The following NUBPL variants were observed in gnomAD, a reference collection of about 807,000 sequenced individuals.
The protein encoded by NUBPL is NUBP iron-sulfur cluster assembly factor, mitochondrial.
Under a neutral mutation model 45.7 loss-of-function variants are expected in NUBPL, and 31 were observed. The observed-to-expected ratio is 0.68, with a 90% CI of 0.51 to 0.92. The LOEUF (loss-of-function observed/expected upper bound fraction) is 0.92, where lower values mean the gene tolerates loss of function less well. Among genes scored for constraint, NUBPL ranks in the 40% least tolerant of loss-of-function variants. The pLI is 0.00. For synonymous variants in NUBPL, 144 were observed against 140.9 expected, an observed-to-expected ratio of 1.02 and a Z score of -0.15; for missense variants, 401 against 398.7, an observed-to-expected ratio of 1.01 and a Z score of -0.05.
At chr14:31,831,468 T>TGTACCATACCATACCATACCATACC (rs1555342390) in intron 8 of NUBPL, among the ~76,000 whole-genome samples, 9 of 143,060 alleles carry the variant, frequency 6.3e-5, no homozygotes, top group Admixed American at 3.6e-4. Context: ...TATACTGTAC[T>TGTACCATACCATACCATACCATACC]ATACCATACC....
intron 7 of NUBPL, among the ~76,000 whole-genome samples, chr14:31,819,864 G>A (rs1040896972): frequency 6.6e-6 from 1 of 152,084 alleles, no homozygotes; most frequent in Non-Finnish European, 1.5e-5. Context: ...TTCTTGGCCA[G>A]GCGTGGTGGC....
At chr14:31,774,016 C>T (rs948923328) in intron 6 of NUBPL, among the ~76,000 whole-genome samples, 1 of 152,186 alleles carries the variant, frequency 6.6e-6, no homozygotes, top group East Asian at 1.9e-4. Flanking sequence ...CAATCTAGAT[C>T]TCTTTTACTT....
intron 6 of NUBPL, among the ~76,000 whole-genome samples, chr14:31,717,067 A>G (rs1172083536): frequency 1.3e-5 from 2 of 152,154 alleles, no homozygotes; most frequent in Non-Finnish European, 2.9e-5. Flanking sequence ...TACTTTCCTG[A>G]TTTATACCCT....
At chr14:31,777,023 A>G (rs1455946953) in intron 6 of NUBPL, among the ~76,000 whole-genome samples, 1 of 152,198 alleles carries the variant, frequency 6.6e-6, no homozygotes, top group Non-Finnish European at 1.5e-5. Flanking sequence ...TCTTTGTGCA[A>G]ATGAAGGATT....
At chr14:31,585,940 A>C (rs1324061721) in intron 3 of NUBPL, among the ~76,000 whole-genome samples, 1 of 152,214 alleles carries the variant, frequency 6.6e-6, no homozygotes, top group Non-Finnish European at 1.5e-5. Flanking sequence ...AATGCTTAAC[A>C]TTATCTTTAT....
chr14:31,818,733 A>G (rs1235416319), intron 7 of NUBPL, among the ~76,000 whole-genome samples: 3 of 152,150 alleles, frequency 2.0e-5, no homozygotes, highest in African/African-American at 7.2e-5. Context: ...TATTTTTAGT[A>G]GAAATGGGGT....
rs2040674637 is a variant in NUBPL at position 31,859,257 on chromosome 14, C to A, written c.*77C>A. The A allele has an allele frequency of 9.7e-7, 1 of 1,032,432 alleles. No individual in the cohort carries two copies. Among genetic ancestry groups the A allele is most frequent in the Non-Finnish European group, 1.5e-6 (1 of 652,552 alleles). 64.0% of individuals were successfully genotyped at this position (1,032,432 alleles called of 1,614,324 possible). A position where few individuals can be genotyped will look rare whatever the true frequency, so the allele number is the denominator to read the frequency against. Reference sequence around the variant, plus strand: ...GGAAATCAGCAATGTGGTGATGGAACCTACAGAAATAATAGAAATCATAAC... The same window carrying A: ...GGAAATCAGCAATGTGGTGATGGAAACTACAGAAATAATAGAAATCATAAC... On this transcript the variant is annotated 3_prime_UTR_variant, in exon 11 of 11. Transcript: ENST00000281081.
intron 4 of NUBPL, among the ~76,000 whole-genome samples, chr14:31,606,026 CCTT>C (rs1184506765): frequency 3.4e-5 from 5 of 148,696 alleles, no homozygotes; most frequent in Middle Eastern, 3.5e-3. Context: ...CTCCCTCACT[CCTT>C]CTCCCTCCTC....
chr14:31,563,538 G>C (rs970431194), intron 2 of NUBPL, among the ~76,000 whole-genome samples: 1 of 152,090 alleles, frequency 6.6e-6, no homozygotes, highest in Non-Finnish European at 1.5e-5. Context: ...TAACAGCTCT[G>C]TGAGCATATC....
chr14:31,688,132 A>C (rs1017581928), intron 6 of NUBPL, among the ~76,000 whole-genome samples: 1 of 152,242 alleles, frequency 6.6e-6, no homozygotes, highest in African/African-American at 2.4e-5. Flanking sequence ...AAAGCAAAAG[A>C]TAGCTGAAGA....
intron 7 of NUBPL, among the ~76,000 whole-genome samples, chr14:31,799,923 T>A (rs1406309256): frequency 6.6e-6 from 1 of 152,248 alleles, no homozygotes; most frequent in Non-Finnish European, 1.5e-5. Context: ...GTAGAATATC[T>A]TTCAAAATTG....
chr14:31,741,440 G>A (rs1004253494), intron 6 of NUBPL, among the ~76,000 whole-genome samples: 1 of 152,138 alleles, frequency 6.6e-6, no homozygotes, highest in Non-Finnish European at 1.5e-5. Flanking sequence ...GTTCAGCTCC[G>A]ATATAAACCC....
At chr14:31,847,437 A>C (rs935600983) in intron 9 of NUBPL, among the ~76,000 whole-genome samples, 1 of 152,174 alleles carries the variant, frequency 6.6e-6, no homozygotes, top group Non-Finnish European at 1.5e-5. Flanking sequence ...CATTGTACGC[A>C]CTGTTCATGG....
At chr14:31,755,534 T>C (rs971682368) in intron 6 of NUBPL, among the ~76,000 whole-genome samples, 5 of 151,420 alleles carry the variant, frequency 3.3e-5, no homozygotes, top group African/African-American at 9.8e-5. Context: ...CGCCCACTTT[T>C]TGATGGAGTT....
chr14:31,838,016 C>T (rs1483870325), intron 8 of NUBPL, among the ~76,000 whole-genome samples: 1 of 152,006 alleles, frequency 6.6e-6, no homozygotes, highest in Non-Finnish European at 1.5e-5. Context: ...AAACTTTAAC[C>T]AGGAACCATG....
At chr14:31,581,208 T>TC (rs2033854805) in intron 3 of NUBPL, among the ~76,000 whole-genome samples, 1 of 151,064 alleles carries the variant, frequency 6.6e-6, no homozygotes, top group Admixed American at 6.6e-5. Flanking sequence ...GGTTCTTTTT[T>TC]TTTTTTTTTT....
At chr14:31,622,256 A>C (rs1373224241) in intron 4 of NUBPL, among the ~76,000 whole-genome samples, 1 of 152,200 alleles carries the variant, frequency 6.6e-6, no homozygotes, top group African/African-American at 2.4e-5. Flanking sequence ...GCATACAGTC[A>C]TATGCATTTA....
chr14:31,836,071 G>A (rs1271480494), intron 8 of NUBPL, among the ~76,000 whole-genome samples: 1 of 152,202 alleles, frequency 6.6e-6, no homozygotes, highest in Admixed American at 6.5e-5. Context: ...AATTAAAATT[G>A]GAGCCTTTTG....
Position 31,751,747 on chromosome 14 carries a change from G to A in NUBPL, c.514-36033G>A, listed in dbSNP as rs113023459. On this transcript the variant is annotated intron_variant, in intron 6 of 10. Transcript: ENST00000281081. ...CAGCTCCACTAGGCAGTGTCCCAGCGGGGACTCTGTGTGGGGGTTTCAAAC... is the reference window on the plus strand; with the variant it reads ...CAGCTCCACTAGGCAGTGTCCCAGCAGGGACTCTGTGTGGGGGTTTCAAAC... Among the ~76,000 whole-genome samples the A allele has an allele frequency of 4.0e-3, 615 of 152,328 alleles. 1 individual carries two copies. Among genetic ancestry groups the A allele is most frequent in the Middle Eastern group, 0.01 (3 of 294 alleles).
Sources: gnomAD v4.1 joint callset for allele counts (sites outside exome capture counted in the v4.1 genomes callset) on GRCh38, gnomAD v4.1.1 for gene constraint, MANE v1.5 for transcripts, NCBI Gene and HGNC (gene_info 2026-07-23, HGNC 2026-07-21) for gene names.